The following SLC4A11 variants were observed in gnomAD, a reference collection of about 807,000 sequenced individuals.
SLC4A11 encodes solute carrier family 4 member 11, also known as bicarbonate transporter related protein 1.
In SLC4A11, 74 loss-of-function variants were observed where a neutral mutation model predicts 95.0. That is an observed-to-expected ratio of 0.78 (90% confidence interval 0.65 to 0.95). The LOEUF (loss-of-function observed/expected upper bound fraction) is 0.95, where lower values mean the gene tolerates loss of function less well. SLC4A11 is among the 40% of genes least tolerant of loss of function. SLC4A11 has a pLI of 0.00. For missense variants in SLC4A11, 1,081 were observed against 1,192.4 expected (o/e 0.91, Z 1.38); for synonymous variants, 548 against 519.0 (o/e 1.06, Z -0.76).
At position 3,229,342 on chromosome 20, in the gene SLC4A11, TCA is replaced by T; in HGVS notation, c.1849+2_1849+3del. 6.2e-7 allele frequency: 1 copy of T among 1,613,092 alleles called. No individual in the cohort carries two copies. Among genetic ancestry groups the T allele is most frequent in the Non-Finnish European group, 8.5e-7 (1 of 1,179,986 alleles). On this transcript the variant is annotated splice_donor_variant and splice_donor_region_variant and intron_variant, in intron 15 of 19. Coordinates refer to ENST00000642402, the MANE Select transcript of SLC4A11 (RefSeq NM_001174089.2). LOFTEE classifies it high-confidence loss of function. ...ACGTCACCCACCGCCCGGCCCCAAC[TCA>T]CTCTCGATTTCCCGGAAGCCATGGG...
upstream of SLC4A11, chr20:3,239,286 C>G (rs1320467736): frequency 3.4e-6 from 4 of 1,185,578 alleles, no homozygotes; most frequent in East Asian, 1.5e-4. Context: ...AGACGCCGCG[C>G]CCGGGCGCGG....
At position 3,234,414 on chromosome 20, in the gene SLC4A11, G is replaced by T; in HGVS notation, c.292-100C>A. On this transcript the variant is annotated intron_variant, in intron 4 of 19. Transcript: ENST00000642402. The surrounding 1 kb of genome is among the most constrained non-coding windows in gnomAD (Gnocchi z 5.8). The stretch of plus-strand genomic sequence containing the variant: ...GCCAGCCGCAGCAGTCCAGCCCCCA[G>T]CCCCCAGCCCCCAGCCCTGGGCTGG... The T allele has an allele frequency of 6.8e-7, 1 of 1,477,708 alleles. No homozygotes were observed. The highest frequency in any genetic ancestry group is 9.4e-7 in the Non-Finnish European group (1 of 1,067,500). The allele number at this position is 1,477,708 out of a possible 1,614,324, so 91.5% of individuals were successfully genotyped here.
chr20:3,227,983 G>T, intron 19 of SLC4A11, 127 bp from the exon 20 acceptor site: 1 of 321,928 alleles, frequency 3.1e-6, no homozygotes, highest in South Asian at 2.6e-5. Flanking sequence ...CCTACCCCCA[G>T]CCCACCCACT....
chr20:3,228,645 G>C lies in SLC4A11; in HGVS notation c.2255C>G (p.Ser752Cys). ...SLGASVLVGLSLLLLPVPLQW... is the reference protein window; with the variant it reads ...SLGASVLVGLCLLLLPVPLQW... ...AAGCGGGACCGGCAGCAGCAACAGG[G>C]ACAGGCCCACCAGGACGCTGGCGCC... is the stretch of plus-strand genomic sequence containing the variant. The change falls in exon 18 of 20, where the codon TCC becomes TGC. Residue 752 changes from serine (S) to cysteine (C), a missense_variant. By Grantham distance (112) the Ser-to-Cys change is moderately radical. Transcript: ENST00000642402. 1.2e-6 allele frequency: 2 copies of C among 1,613,070 alleles called. No homozygotes were observed. The highest frequency in any genetic ancestry group is 1.7e-6 in the Non-Finnish European group (2 of 1,179,920).
chr20:3,229,758 TAGTAGTACTTCC>T lies in SLC4A11; in HGVS notation c.1496_1507del (p.Trp499_Tyr502del). 6.2e-7 allele frequency: 1 copy of T among 1,613,894 alleles called. No individual in the cohort carries two copies. The stretch of plus-strand genomic sequence containing the variant: ...GTGATAGTCGTCCAAGTAATGCCCA[TAGTAGTACTTCC>T]AGAAGACTGTGGACACACACCCACA... On this transcript the variant is annotated inframe_deletion, in exon 14 of 20. Transcript: ENST00000642402.
At chr20:3,228,148 C>T in intron 19 of SLC4A11, 111 bp downstream of exon 19, 1 of 765,214 alleles carries the variant, frequency 1.3e-6, no homozygotes, top group Non-Finnish European at 2.2e-6. Context: ...CCACCCCAAC[C>T]CGCCCATTCT....
At chr20:3,238,984 C>T in intron 1 of SLC4A11, 111 bp downstream of exon 1, 1 of 1,350,228 alleles carries the variant, frequency 7.4e-7, no homozygotes, top group Non-Finnish European at 9.5e-7. Context: ...GCCCACCGGC[C>T]CCGGCCCGCG....
intron 19 of SLC4A11, 115 bp downstream of exon 19, chr20:3,228,144 C>CCCCCCA: frequency 1.4e-6 from 1 of 718,214 alleles, no homozygotes; most frequent in Non-Finnish European, 2.4e-6. Context: ...GCACCCACCC[C>CCCCCCA]AACCCGCCCA....
At position 3,234,395 on chromosome 20, in the gene SLC4A11, C is replaced by G; in HGVS notation, c.292-81G>C. On this transcript the variant is annotated intron_variant, in intron 4 of 19. Transcript: ENST00000642402. The surrounding 1 kb of genome is among the most constrained non-coding windows in gnomAD (Gnocchi z 5.8). ...GCCTGGTCCCTCCCTCCCAGCCAGC[C>G]GCAGCAGTCCAGCCCCCAGCCCCCA... 7.3e-7 allele frequency: 1 copy of G among 1,362,870 alleles called. No individual in the cohort carries two copies. Among genetic ancestry groups the G allele is most frequent in the Non-Finnish European group, 1.0e-6 (1 of 972,560 alleles). 84.4% of individuals were successfully genotyped at this position (1,362,870 alleles called of 1,614,324 possible).
At chr20:3,232,453 T>A (rs1301183106) in intron 7 of SLC4A11, among the ~76,000 whole-genome samples, 1 of 152,220 alleles carries the variant, frequency 6.6e-6, no homozygotes, top group Non-Finnish European at 1.5e-5. Flanking sequence ...TAATACCAAC[T>A]TTTTTGGGAG....
Position 3,231,168 on chromosome 20 carries a change from G to A in SLC4A11, c.1023C>T (p.Tyr341=), listed in dbSNP as rs781738803. The change falls in exon 9 of 20, where the codon TAC becomes TAT. Residue 341 remains tyrosine (Y), a synonymous_variant. Transcript: ENST00000642402. This position sits in a 1 kb window ranked among gnomAD's most constrained non-coding sequence, Gnocchi z 5.2. The stretch of plus-strand genomic sequence containing the variant: ...ACGTACCATCAGTGAAGTCCAAGGG[G>A]TACAAGGGGAACCTGCGTGCGATGT... ...REDIARRFPL[Y]PLDFTDGIIG... The A allele has an allele frequency of 8.7e-6, 14 of 1,614,174 alleles. No individual in the cohort carries two copies. Among genetic ancestry groups the A allele is most frequent in the Non-Finnish European group, 1.1e-5 (13 of 1,180,028 alleles).
At chr20:3,233,356 G>A (rs1273238740) in intron 7 of SLC4A11, among the ~76,000 whole-genome samples, 158 bp downstream of exon 7, 1 of 152,140 alleles carries the variant, frequency 6.6e-6, no homozygotes, top group East Asian at 1.9e-4. Context: ...GACTTGCCGG[G>A]CCTAGCAACA....
chr20:3,227,527 T>C lies in SLC4A11; in HGVS notation c.*260A>G. On this transcript the variant is annotated 3_prime_UTR_variant, in exon 20 of 20. Transcript: ENST00000642402. ...CATCGACTCTTTTATCAAAAGAAAATCCATCCTGCTCAGTCCCACCCACCC... is the reference window on the plus strand; with the variant it reads ...CATCGACTCTTTTATCAAAAGAAAACCCATCCTGCTCAGTCCCACCCACCC... 1.9e-6 allele frequency: 1 copy of C among 539,350 alleles called. No individual in the cohort carries two copies. Among genetic ancestry groups the C allele is most frequent in the Non-Finnish European group, 3.3e-6 (1 of 298,962 alleles). The allele number at this position is 539,350 out of a possible 1,614,324, so 33.4% of individuals were successfully genotyped here.
In SLC4A11 at chr20:3,227,733, C is replaced by T. The variant is rs1056393034; in HGVS notation, c.*54G>A. 3.1e-6 allele frequency: 5 copies of T among 1,588,342 alleles called. No individual in the cohort carries two copies. In the Admixed American group the frequency reaches 5.0e-5, roughly 16 times the overall value. Reference sequence around the variant, plus strand: ...ACACCTCCCCTCACAGCTCCAGAGCCAGCCTGGGAGGACGTGGAGGGCTGG... The same window carrying T: ...ACACCTCCCCTCACAGCTCCAGAGCTAGCCTGGGAGGACGTGGAGGGCTGG... On this transcript the variant is annotated 3_prime_UTR_variant, in exon 20 of 20. Transcript: ENST00000642402.
Position 3,234,427 on chromosome 20 carries a change from A to AGCCCCCG in SLC4A11, c.292-114_292-113insCGGGGGC. 6.7e-7 allele frequency: 1 copy of AGCCCCCG among 1,499,408 alleles called. No homozygotes were observed. Among genetic ancestry groups the AGCCCCCG allele is most frequent in the Non-Finnish European group, 9.2e-7 (1 of 1,082,676 alleles). 92.9% of individuals were successfully genotyped at this position (1,499,408 alleles called of 1,614,324 possible). A position where few individuals can be genotyped will look rare whatever the true frequency, so the allele number is the denominator to read the frequency against. On this transcript the variant is annotated intron_variant, in intron 4 of 19. Transcript: ENST00000642402. The surrounding 1 kb of genome is among the most constrained non-coding windows in gnomAD (Gnocchi z 5.8). ...GTCCAGCCCCCAGCCCCCAGCCCCC[A>AGCCCCCG]GCCCTGGGCTGGTGCGAGCTCCCTG... is the stretch of plus-strand genomic sequence containing the variant.
At position 3,228,683 on chromosome 20, in the gene SLC4A11, C is replaced by T. The variant is rs374378509; in HGVS notation, c.2217G>A (p.Arg739=). Residue 739 remains arginine (R), a synonymous_variant, in exon 18 of 20, where the codon CGG becomes CGA. Transcript: ENST00000642402. ...YDTIVNVKET[R]LTSLGASVLV... ...GGACGCTGGCGCCCAGCGAGGTCAG[C>T]CGCGTCTCCTTCACGTTCACAATCC... 12 of 1,612,830 alleles carry T rather than the reference C, an allele frequency of 7.4e-6. No individual in the cohort carries two copies. Among genetic ancestry groups the T allele is most frequent in the Non-Finnish European group, 1.0e-5 (12 of 1,179,900 alleles).
intron 1 of SLC4A11, chr20:3,238,732 G>A: frequency 9.4e-7 from 1 of 1,065,982 alleles, no homozygotes; most frequent in Non-Finnish European, 1.1e-6. Context: ...TTCCGAGGCG[G>A]CGGCCCGCCA....
chr20:3,228,483 G>C, intron 18 of SLC4A11, 29 bp downstream of exon 18: 1 of 1,612,872 alleles, frequency 6.2e-7, no homozygotes, highest in Non-Finnish European at 8.5e-7. Flanking sequence ...CCCCACCCAC[G>C]CCACTCCCTC....
intron 1 of SLC4A11, chr20:3,238,567 C>T (rs909437793): frequency 2.0e-6 from 2 of 990,604 alleles, no homozygotes; most frequent in African/African-American, 3.5e-5. Flanking sequence ...GGCGGGGACC[C>T]AGGGCTGGCC....
Sources: gnomAD v4.1 joint callset for allele counts (sites outside exome capture counted in the v4.1 genomes callset) on GRCh38, gnomAD v4.1.1 for gene constraint, Gnocchi (gnomAD v3.1) non-coding constraint, MANE v1.5 for transcripts, NCBI Gene and HGNC (gene_info 2026-07-23, HGNC 2026-07-21) for gene names.